The following RCAN2 variants were observed in gnomAD, a reference collection of about 807,000 sequenced individuals.
RCAN2 encodes regulator of calcineurin 2, also known as calcipressin-2.
RCAN2 carries 9 observed loss-of-function variants against 23.6 expected under a neutral mutation model. The ratio of observed to expected loss-of-function variants is 0.38; its 90% confidence interval spans 0.23 to 0.67. The LOEUF (loss-of-function observed/expected upper bound fraction) is 0.67, where lower values mean the gene tolerates loss of function less well. RCAN2 is among the 30% of genes least tolerant of loss of function. The probability of loss-of-function intolerance (pLI) is 0.51; values close to 1 mark genes in which losing one functional copy is unlikely to be tolerated. For missense variants in RCAN2, 273 were observed against 302.3 expected (o/e 0.90, Z 0.72); for synonymous variants, 109 against 115.7 (o/e 0.94, Z 0.37).
chr6:46,452,104 C>T (rs1374171190), intron 2 of RCAN2, among the ~76,000 whole-genome samples: 1 of 152,062 alleles, frequency 6.6e-6, no homozygotes, highest in Non-Finnish European at 1.5e-5. Context: ...ACCATTGAAT[C>T]CCCAGAACCA....
intron 2 of RCAN2, among the ~76,000 whole-genome samples, chr6:46,315,983 A>G (rs982704468): frequency 6.6e-6 from 1 of 152,036 alleles, no homozygotes; most frequent in Non-Finnish European, 1.5e-5. Flanking sequence ...GAACTGCAGC[A>G]TCTCTGCTCC....
At chr6:46,465,569 G>A (rs1013364743) in intron 1 of RCAN2, among the ~76,000 whole-genome samples, 1 of 152,162 alleles carries the variant, frequency 6.6e-6, no homozygotes, top group African/African-American at 2.4e-5. Context: ...GTGTGGAGAT[G>A]GCCCCCTGAC....
At position 46,346,884 on chromosome 6, in the gene RCAN2, T is replaced by A. The variant is rs570326554; in HGVS notation, c.226-97988A>T. Among the ~76,000 whole-genome samples, 14 of 152,006 alleles carry A rather than the reference T, an allele frequency of 9.2e-5. 1 individual carries two copies. The South Asian group carries it at 2.3e-3, about 25-fold the overall frequency. Reference sequence around the variant, plus strand: ...ATTTATTTATTTTAATTAATTTATTTATTTATTTTGAGAGGGAATCTCGCT... The same window carrying A: ...ATTTATTTATTTTAATTAATTTATTAATTTATTTTGAGAGGGAATCTCGCT... On this transcript the variant is annotated intron_variant, in intron 2 of 4. Transcript: ENST00000371374.
chr6:46,223,842 C>T (rs1765561520), intron 4 of RCAN2, among the ~76,000 whole-genome samples: 1 of 152,156 alleles, frequency 6.6e-6, no homozygotes, highest in South Asian at 2.1e-4. Flanking sequence ...ACCATCAAGG[C>T]CCTTTCTAGT....
intron 2 of RCAN2, among the ~76,000 whole-genome samples, chr6:46,398,824 C>CAGTCAT (rs764300573): frequency 3.3e-5 from 5 of 151,994 alleles, no homozygotes; most frequent in Non-Finnish European, 7.4e-5. Context: ...AGAGCATCTT[C>CAGTCAT]AGTCATTCCA....
chr6:46,262,326 G>A (rs922051521), intron 2 of RCAN2, among the ~76,000 whole-genome samples: 10 of 151,958 alleles, frequency 6.6e-5, no homozygotes, highest in South Asian at 4.2e-4. Context: ...CTTTCAGTAC[G>A]TCTCCCATCA....
At chr6:46,332,892 C>T (rs1420999981) in intron 2 of RCAN2, among the ~76,000 whole-genome samples, 1 of 152,198 alleles carries the variant, frequency 6.6e-6, no homozygotes, top group Non-Finnish European at 1.5e-5. Flanking sequence ...ACACTGACTT[C>T]CACAATGATT....
intron 2 of RCAN2, among the ~76,000 whole-genome samples, chr6:46,279,042 A>G (rs1767810631): frequency 6.6e-6 from 1 of 152,174 alleles, no homozygotes; most frequent in Non-Finnish European, 1.5e-5. Context: ...AAGCTTCCCA[A>G]ATGATTCTAA....
At chr6:46,345,608 G>A (rs1764458958) in intron 2 of RCAN2, among the ~76,000 whole-genome samples, 1 of 152,082 alleles carries the variant, frequency 6.6e-6, no homozygotes, top group Admixed American at 6.5e-5. Flanking sequence ...AACCCTTTTA[G>A]GAAGTCCACA....
At chr6:46,402,005 C>T (rs1229621830) in intron 2 of RCAN2, among the ~76,000 whole-genome samples, 2 of 152,124 alleles carry the variant, frequency 1.3e-5, no homozygotes, top group East Asian at 3.9e-4. Context: ...GGAAAAACAC[C>T]ATCGAGAGTC....
chr6:46,221,497 AAGG>A lies in RCAN2; in HGVS notation c.*1641_*1643del, dbSNP rs961718765. The stretch of plus-strand genomic sequence containing the variant: ...TACACTCCTCAGATTTTATTTTTAA[AAGG>A]AGTTTTCATTTTCCTTATGGAAACT... On this transcript the variant is annotated 3_prime_UTR_variant, in exon 5 of 5. Transcript: ENST00000371374. 6.4e-6 allele frequency: 1 copy of A among 155,766 alleles called. No individual in the cohort carries two copies. The highest frequency in any genetic ancestry group is 1.9e-4 in the East Asian group (1 of 5,320). 9.6% of individuals were successfully genotyped at this position (155,766 alleles called of 1,614,324 possible).
In RCAN2 at chr6:46,248,726, T is replaced by A; in HGVS notation, c.396A>T (p.Ala132=). Reference sequence around the variant, plus strand: ...CTTTGGTAAACAATTACCTTACCTGTGCAAAGTAGAGCTTTAATTTTTTCC... The same window carrying A: ...CTTTGGTAAACAATTACCTTACCTGAGCAAAGTAGAGCTTTAATTTTTTCC... ...FRGKKLKLYF[A]QVQTPETDGD... The change falls in exon 3 of 5, where the codon GCA becomes GCT. Residue 132 remains alanine (A), a synonymous_variant. Transcript: ENST00000371374. 6.2e-7 allele frequency: 1 copy of A among 1,605,222 alleles called. No individual in the cohort carries two copies. Among genetic ancestry groups the A allele is most frequent in the South Asian group, 1.1e-5 (1 of 88,820 alleles).
intron 2 of RCAN2, among the ~76,000 whole-genome samples, chr6:46,390,730 G>C (rs1442614216): frequency 6.6e-6 from 1 of 152,178 alleles, no homozygotes; most frequent in Non-Finnish European, 1.5e-5. Context: ...TTCACGTAGA[G>C]AACCAAGAAG....
chr6:46,346,692 G>GA (rs1198376906), intron 2 of RCAN2, among the ~76,000 whole-genome samples: 1 of 151,806 alleles, frequency 6.6e-6, no homozygotes. Context: ...TAAAAAGCCT[G>GA]AAAAAATGCA....
intron 2 of RCAN2, among the ~76,000 whole-genome samples, chr6:46,375,210 G>A (rs191447654): frequency 6.6e-6 from 1 of 152,338 alleles, no homozygotes; most frequent in African/African-American, 2.4e-5. Context: ...CTCCCAAAGT[G>A]CTGGGATTAC....
Position 46,298,318 on chromosome 6 carries a change from C to T in RCAN2, c.226-49422G>A, listed in dbSNP as rs189145066. On this transcript the variant is annotated intron_variant, in intron 2 of 4. Transcript: ENST00000371374. ...TGATTTTATGTGAGGTCATAGATGT[C>T]ACTCAGTGTAGGGCAATATTATGTC... Among the ~76,000 whole-genome samples, 354 of 152,154 alleles carry T rather than the reference C, an allele frequency of 2.3e-3. 4 individuals carry two copies. The highest frequency in any genetic ancestry group is 8.2e-3 in the African/African-American group (340 of 41,512).
At chr6:46,318,938 G>A (rs1436424353) in intron 2 of RCAN2, among the ~76,000 whole-genome samples, 1 of 152,160 alleles carries the variant, frequency 6.6e-6, no homozygotes, top group Non-Finnish European at 1.5e-5. Flanking sequence ...ATTCTAGCTA[G>A]AGTGGAATGG....
chr6:46,480,063 C>A (rs1768814711), intron 1 of RCAN2, among the ~76,000 whole-genome samples: 1 of 152,162 alleles, frequency 6.6e-6, no homozygotes, highest in Non-Finnish European at 1.5e-5. Context: ...CAAAACCATG[C>A]AGCAGTATTA....
At chr6:46,262,253 T>C (rs1392879633) in intron 2 of RCAN2, among the ~76,000 whole-genome samples, 2 of 151,986 alleles carry the variant, frequency 1.3e-5, no homozygotes, top group Non-Finnish European at 2.9e-5. Flanking sequence ...AATGTTATCC[T>C]GATCTCTTCT....
Sources: gnomAD v4.1 joint callset for allele counts (sites outside exome capture counted in the v4.1 genomes callset) on GRCh38, gnomAD v4.1.1 for gene constraint, MANE v1.5 for transcripts, NCBI Gene and HGNC (gene_info 2026-07-23, HGNC 2026-07-21) for gene names.